FBH1: variants seen among roughly 807,000 people sequenced by gnomAD.
FBH1 encodes the protein F-box DNA helicase 1.
A neutral mutation model predicts 115.5 loss-of-function variants in FBH1; 43 were observed. That is an observed-to-expected ratio of 0.37 (90% CI 0.29 to 0.48). The LOEUF is 0.48. Among genes scored for constraint, FBH1 ranks in the 20% least tolerant of loss-of-function variants. The pLI, the probability that FBH1 is intolerant of heterozygous loss-of-function variation, is 0.99. For synonymous variants in FBH1, 524 were observed against 507.8 expected (o/e 1.03, Z -0.43); for missense variants, 1,001 against 1,337.3 (o/e 0.75, Z 3.92).
rs1418296665 is a variant in FBH1, at chr10:5,936,170, A to G, written c.2830-286A>G. The G allele has an allele frequency of 4.5e-6, 1 of 222,474 alleles. No individual in the cohort carries two copies. The highest frequency in any genetic ancestry group is 2.2e-5 in the African/African-American group (1 of 45,132). The allele number at this position is 222,474 out of a possible 1,614,324, so 13.8% of individuals were successfully genotyped here. On this transcript the variant is annotated intron_variant, in intron 19 of 20. Coordinates refer to ENST00000362091, the MANE Select transcript of FBH1 (RefSeq NM_178150.3). The surrounding 1 kb of genome is among the most constrained non-coding windows in gnomAD (Gnocchi z 5.6). ...GCTGGGGATACCTTAGCATAAAATA[A>G]AATCCAGAAATATTCTGGAAATGTC...
upstream of FBH1, chr10:5,889,981 C>T (rs1842597187): frequency 4.8e-6 from 1 of 209,746 alleles, no homozygotes; most frequent in Non-Finnish European, 9.5e-6. Flanking sequence ...ACTCGGGGAG[C>T]TCGAAGGAAC....
At position 5,895,325 on chromosome 10, in the gene FBH1, T is replaced by G. The variant is rs1842947260; in HGVS notation, c.1+4979T>G. 1 of 784,550 alleles carries G rather than the reference T, an allele frequency of 1.3e-6. No individual in the cohort carries two copies. Among genetic ancestry groups the G allele is most frequent in the Admixed American group, 4.0e-5 (1 of 25,186 alleles). The allele number at this position is 784,550 out of a possible 1,614,324, so 48.6% of individuals were successfully genotyped here. ...GTTTCTCCAGTCAGGTACCTTGTACTAGCGAGTCAACTTGATTTTTTTTTG... is the reference window on the plus strand; with the variant it reads ...GTTTCTCCAGTCAGGTACCTTGTACGAGCGAGTCAACTTGATTTTTTTTTG... On this transcript the variant is annotated intron_variant, in intron 1 of 20. Transcript: ENST00000362091. The surrounding 1 kb of genome is among the most constrained non-coding windows in gnomAD (Gnocchi z 5.0).
In FBH1 at chr10:5,890,317, G is replaced by T. The variant is rs1842623106; in HGVS notation, c.-29G>T. ...CCGGCGGCGCGGGCCCGGCGGCGGC[G>T]GCAGCGGGGTCCGGGTCCGGAGCGC... On this transcript the variant is annotated 5_prime_UTR_variant, in exon 1 of 21. Coordinates refer to ENST00000362091, the MANE Select transcript of FBH1 (RefSeq NM_178150.3). 2.7e-6 allele frequency: 1 copy of T among 377,220 alleles called. No individual in the cohort carries two copies. Among genetic ancestry groups the T allele is most frequent in the East Asian group, 4.0e-5 (1 of 25,002 alleles). The allele number at this position is 377,220 out of a possible 1,614,324, so 23.4% of individuals were successfully genotyped here. A position where few individuals can be genotyped will look rare whatever the true frequency, so the allele number is the denominator to read the frequency against.
At chr10:5,901,836 T>A (rs904760376) in intron 1 of FBH1, among the ~76,000 whole-genome samples, 1 of 152,232 alleles carries the variant, frequency 6.6e-6, no homozygotes, top group African/African-American at 2.4e-5. Flanking sequence ...AGTGCTGGGA[T>A]TACAGGCGTG....
chr10:5,920,626 A>G (rs1832256235), intron 13 of FBH1, among the ~76,000 whole-genome samples: 1 of 152,210 alleles, frequency 6.6e-6, no homozygotes, highest in South Asian at 2.1e-4. Flanking sequence ...TATAGCAACA[A>G]AGTAGTGTTT....
In FBH1 at chr10:5,927,478, A is replaced by C. The variant is rs1182089294; in HGVS notation, c.2766A>C (p.Val922=). The change falls in exon 19 of 21, where the codon GTA becomes GTC. Residue 922 remains valine (V), a synonymous_variant. Transcript: ENST00000362091. ...EDEWNLLYVA[V]TRAKKRLIMT... is the part of the protein sequence containing the mutation. Reference sequence around the variant, plus strand: ...AATGGAATTTACTGTATGTTGCAGTAACTCGAGCCAAGAAGCGTCTCATCA... The same window carrying C: ...AATGGAATTTACTGTATGTTGCAGTCACTCGAGCCAAGAAGCGTCTCATCA... 6 of 1,613,758 alleles carry C rather than the reference A, an allele frequency of 3.7e-6. No individual in the cohort carries two copies. The highest frequency in any genetic ancestry group is 5.1e-6 in the Non-Finnish European group (6 of 1,179,970).
In FBH1 at chr10:5,913,297, A is replaced by G. The variant is rs571460509; in HGVS notation, c.1212-450A>G. On this transcript the variant is annotated intron_variant, in intron 6 of 20. Transcript: ENST00000362091. This position sits in a 1 kb window ranked among gnomAD's most constrained non-coding sequence, Gnocchi z 4.4. ...AGAATGTGTTCATGCGTCTAAAGCA[A>G]TGTCATGTCATAAGAGGTAGACAGT... Among the ~76,000 whole-genome samples, 22 of 152,318 alleles carry G rather than the reference A, an allele frequency of 1.4e-4. No homozygotes were observed. In the South Asian group the frequency reaches 2.9e-3, roughly 20 times the overall value.
chr10:5,921,658 T>C lies in FBH1; in HGVS notation c.2322+89T>C, dbSNP rs1204330905. 1 of 1,537,128 alleles carries C rather than the reference T, an allele frequency of 6.5e-7. No individual in the cohort carries two copies. Among genetic ancestry groups the C allele is most frequent in the Non-Finnish European group, 8.7e-7 (1 of 1,147,558 alleles). On this transcript the variant is annotated intron_variant, in intron 15 of 20. Transcript: ENST00000362091. The surrounding 1 kb of genome is among the most constrained non-coding windows in gnomAD (Gnocchi z 6.4). Reference sequence around the variant, plus strand: ...GAAATGTTCACCTTCCTTGGGATTATCATGCAAGAAAGCATTTGGGTTTTT... The same window carrying C: ...GAAATGTTCACCTTCCTTGGGATTACCATGCAAGAAAGCATTTGGGTTTTT...
At chr10:5,928,034 C>T (rs1038837880) in intron 19 of FBH1, among the ~76,000 whole-genome samples, 16 of 134,444 alleles carry the variant, frequency 1.2e-4, no homozygotes, top group African/African-American at 4.1e-4. Context: ...GATGGCACCA[C>T]TGCCTTCTAA....
chr10:5,908,121 T>C (rs957888657), intron 3 of FBH1, among the ~76,000 whole-genome samples: 11 of 152,214 alleles, frequency 7.2e-5, no homozygotes, highest in Non-Finnish European at 1.3e-4. Flanking sequence ...GAAATCTCCT[T>C]CTATTATTGT....
rs1831513974 is a variant in FBH1, at chr10:5,910,498, G to A, written c.1021-440G>A. ...ACTGCCAGATTTTATTTTCCCCACA[G>A]CCTGCGTGCGGCCCTCTCCTGTGTC... On this transcript the variant is annotated intron_variant, in intron 5 of 20. Transcript: ENST00000362091. The surrounding 1 kb of genome is among the most constrained non-coding windows in gnomAD (Gnocchi z 4.8). Among the ~76,000 whole-genome samples, 1 of 152,056 alleles carries A rather than the reference G, an allele frequency of 6.6e-6. No individual in the cohort carries two copies.
rs1833383441 is a variant in FBH1 at position 5,936,709 on chromosome 10, T to A, written c.2961+122T>A. 3.9e-6 allele frequency: 5 copies of A among 1,291,378 alleles called. No homozygotes were observed. In the Middle Eastern group the frequency reaches 7.7e-4, roughly 200 times the overall value. 80.0% of individuals were successfully genotyped at this position (1,291,378 alleles called of 1,614,324 possible). On this transcript the variant is annotated intron_variant, in intron 20 of 20. Transcript: ENST00000362091. This position sits in a 1 kb window ranked among gnomAD's most constrained non-coding sequence, Gnocchi z 5.6. ...GCTGTGTGATCCTTTATTAGGGGCT[T>A]TTCATATGAGAGGCACAAGAGGTGT...
chr10:5,905,748 C>T (rs192195863), intron 2 of FBH1, among the ~76,000 whole-genome samples: 53 of 152,248 alleles, frequency 3.5e-4, no homozygotes, highest in African/African-American at 1.2e-3. Flanking sequence ...GTTCCCTGTG[C>T]AGCGTGTTTC....
In FBH1 at chr10:5,891,124, A is replaced by C. The variant is rs7087426; in HGVS notation, c.1+778A>C. On this transcript the variant is annotated intron_variant, in intron 1 of 20. Coordinates refer to ENST00000362091, the MANE Select transcript of FBH1 (RefSeq NM_178150.3). ...TTTCTTACAGAATTACAGGTAATAAAGTCTTCTGGAAGGCAGGATGGTAGC... is the reference window on the plus strand; with the variant it reads ...TTTCTTACAGAATTACAGGTAATAACGTCTTCTGGAAGGCAGGATGGTAGC... 4,039 of 985,554 alleles carry C rather than the reference A, an allele frequency of 4.1e-3. 130 individuals carry two copies. In the African/African-American group the frequency reaches 0.065, roughly 16 times the overall value. The allele number at this position is 985,554 out of a possible 1,614,324, so 61.1% of individuals were successfully genotyped here.
At position 5,910,910 on chromosome 10, in the gene FBH1, C is replaced by T. The variant is rs768713183; in HGVS notation, c.1021-28C>T. On this transcript the variant is annotated intron_variant, in intron 5 of 20. Transcript: ENST00000362091. The surrounding 1 kb of genome is among the most constrained non-coding windows in gnomAD (Gnocchi z 4.8). ...TATTAACCATGGCCTGTGGGCTGTCCCTCCCTCCCTGTGCACCTGGCTTGC... is the reference window on the plus strand; with the variant it reads ...TATTAACCATGGCCTGTGGGCTGTCTCTCCCTCCCTGTGCACCTGGCTTGC... The T allele has an allele frequency of 4.4e-6, 7 of 1,588,320 alleles. No individual in the cohort carries two copies. The highest frequency in any genetic ancestry group is 2.6e-6 in the Non-Finnish European group (3 of 1,169,282).
rs1011967879 is a variant in FBH1, at chr10:5,931,285, C to G, written c.2829+3744C>G. Among the ~76,000 whole-genome samples, 2 of 152,106 alleles carry G rather than the reference C, an allele frequency of 1.3e-5. No homozygotes were observed. Among genetic ancestry groups the G allele is most frequent in the African/African-American group, 4.8e-5 (2 of 41,416 alleles). ...CTTTGTTGCACAACGGCACCTTTTT[C>G]TTTTTTCTTTTTAACCAGGTATGCA... On this transcript the variant is annotated intron_variant, in intron 19 of 20. Coordinates refer to ENST00000362091, the MANE Select transcript of FBH1 (RefSeq NM_178150.3). The surrounding 1 kb of genome is among the most constrained non-coding windows in gnomAD (Gnocchi z 4.3).
chr10:5,927,015 C>T (rs535710657), intron 18 of FBH1, among the ~76,000 whole-genome samples: 4 of 152,202 alleles, frequency 2.6e-5, no homozygotes, highest in Admixed American at 1.3e-4. Flanking sequence ...TGGAAAGAGA[C>T]GAGCAGACTC....
rs576054970 is a variant in FBH1, at chr10:5,912,806, T to A, written c.1212-941T>A. Among the ~76,000 whole-genome samples the A allele has an allele frequency of 2.0e-5, 3 of 152,170 alleles. No individual in the cohort carries two copies. In the South Asian group the frequency reaches 6.2e-4, roughly 32 times the overall value. On this transcript the variant is annotated intron_variant, in intron 6 of 20. Transcript: ENST00000362091. ...CTACTTCCTTATTCCACACACCACA[T>A]TGGGGTAGCGCTTCAACACAGGAAT... is the stretch of plus-strand genomic sequence containing the variant.
Position 5,918,758 on chromosome 10 carries a change from C to T in FBH1, c.2100+280C>T, listed in dbSNP as rs1412848572. Among the ~76,000 whole-genome samples the T allele has an allele frequency of 1.3e-5, 2 of 152,190 alleles. No individual in the cohort carries two copies. The highest frequency in any genetic ancestry group is 1.9e-4 in the East Asian group (1 of 5,204). ...GTGCTTAGAACAGTTGTTAGACCAG[C>T]GCTGGTTGTTCAGACTTGTGTATTT... On this transcript the variant is annotated intron_variant, in intron 13 of 20. Transcript: ENST00000362091. This position sits in a 1 kb window ranked among gnomAD's most constrained non-coding sequence, Gnocchi z 4.0.
Sources: allele counts gnomAD v4.1 joint callset (sites outside exome capture counted in the v4.1 genomes callset), GRCh38; gene constraint gnomAD v4.1.1; non-coding constraint Gnocchi (gnomAD v3.1); transcripts MANE v1.5; gene names NCBI Gene and HGNC (gene_info 2026-07-23, HGNC 2026-07-21).